The following RASEF variants were observed in gnomAD, a reference collection of about 807,000 sequenced individuals.
The protein encoded by RASEF is ras and EF-hand domain-containing protein.
A neutral mutation model predicts 90.1 loss-of-function variants in RASEF; 68 were observed. The ratio of observed to expected loss-of-function variants is 0.75; its 90% CI spans 0.62 to 0.92. The LOEUF (loss-of-function observed/expected upper bound fraction) is 0.92. Ranked by LOEUF, RASEF falls within the 40% of genes least tolerant of loss-of-function variation. The probability of loss-of-function intolerance (pLI) is 0.00; values close to 1 mark genes in which losing one functional copy is unlikely to be tolerated. For synonymous variants in RASEF, 331 were observed against 345.2 expected (o/e 0.96, Z 0.46); for missense variants, 949 against 937.2 (o/e 1.01, Z -0.16).
chr9:83,072,921 A>G, the RASEF span, among the ~76,000 whole-genome samples: 1 of 151,966 alleles, frequency 6.6e-6, no homozygotes, highest in Admixed American at 6.6e-5. Flanking sequence ...TATGTTATTT[A>G]CTCTTTTAAG....
chr9:83,133,032 A>C, the RASEF span, among the ~76,000 whole-genome samples: 1 of 152,204 alleles, frequency 6.6e-6, no homozygotes, highest in Non-Finnish European at 1.5e-5. Context: ...CTGTTCTTCC[A>C]ATGGGCTTAA....
At chr9:83,218,816 A>T in the RASEF span, among the ~76,000 whole-genome samples, 1 of 152,172 alleles carries the variant, frequency 6.6e-6, no homozygotes, top group Admixed American at 6.5e-5. Context: ...TGGACAGTCA[A>T]GAAAGGGACA....
chr9:83,018,493 ATTCT>A (rs944112578), intron 3 of RASEF, among the ~76,000 whole-genome samples: 6 of 145,526 alleles, frequency 4.1e-5, no homozygotes, highest in African/African-American at 1.4e-4. Flanking sequence ...ACTGTTGTCA[ATTCT>A]CTCCAAATTG....
the RASEF span, among the ~76,000 whole-genome samples, chr9:83,078,732 C>T: frequency 1.3e-5 from 2 of 151,716 alleles, no homozygotes; most frequent in Admixed American, 6.6e-5. Context: ...TGCCAATTAA[C>T]TTATAGCTAT....
At chr9:83,133,857 T>G in the RASEF span, among the ~76,000 whole-genome samples, 2 of 152,116 alleles carry the variant, frequency 1.3e-5, no homozygotes, top group African/African-American at 2.4e-5. Context: ...GCTCTAAAAC[T>G]CACACAAATT....
the RASEF span, among the ~76,000 whole-genome samples, chr9:83,106,741 AC>A: frequency 6.7e-6 from 1 of 149,894 alleles, no homozygotes; most frequent in Non-Finnish European, 1.5e-5. Flanking sequence ...CTACTTATAA[AC>A]CATTTTATTA....
chr9:83,149,458 G>A, the RASEF span, among the ~76,000 whole-genome samples: 1 of 152,196 alleles, frequency 6.6e-6, no homozygotes, highest in Non-Finnish European at 1.5e-5. Context: ...GGATAAAGGG[G>A]AGCATGGCAC....
At position 83,001,054 on chromosome 9, in the gene RASEF, C is replaced by T. The variant is rs1564072772; in HGVS notation, c.1279G>A (p.Glu427Lys). The T allele has an allele frequency of 1.2e-6, 2 of 1,614,148 alleles. No individual in the cohort carries two copies. The highest frequency in any genetic ancestry group is 1.7e-6 in the Non-Finnish European group (2 of 1,180,024). ...LCDPLQRTNC[E>K]VDSLPESCFD... ...CAGCTTTCAGGCAGGCTGTCAACTT[C>T]ACAATTTGTCCTCTGCAGAGGATCA... The change falls in exon 10 of 17, where the codon GAA becomes AAA. Residue 427 changes from glutamate (E) to lysine (K), a missense_variant. Glu to Lys is a moderately conservative substitution (Grantham distance 56). This residue lies in a region of RASEF where 656 missense variants were observed against 592.2 expected (regional missense o/e 1.11). Coordinates refer to ENST00000376447, the MANE Select transcript of RASEF (RefSeq NM_152573.4).
the RASEF span, among the ~76,000 whole-genome samples, chr9:83,122,398 C>T: frequency 6.6e-6 from 1 of 152,186 alleles, no homozygotes; most frequent in Non-Finnish European, 1.5e-5. Flanking sequence ...AGAGAAATCA[C>T]CATAGAAGCC....
At chr9:83,109,488 G>T in the RASEF span, among the ~76,000 whole-genome samples, 2 of 152,116 alleles carry the variant, frequency 1.3e-5, no homozygotes, top group South Asian at 4.1e-4. Context: ...GAAAGCACTC[G>T]CAGACGTCAT....
the RASEF span, among the ~76,000 whole-genome samples, chr9:83,158,968 C>G: frequency 0.12 from 17,826 of 151,510 alleles, 1,185 homozygotes; most frequent in East Asian, 0.29. Flanking sequence ...GGGTAGATCA[C>G]AAGGTCAGGA....
rs758255559 is a variant in RASEF, at chr9:83,062,617, C to A, written c.251G>T (p.Gly84Val). 1.3e-6 allele frequency: 2 copies of A among 1,558,170 alleles called. No homozygotes were observed. The highest frequency in any genetic ancestry group is 2.4e-5 in the East Asian group (1 of 41,912). The change falls in exon 1 of 17, where the codon GGT (glycine) becomes GTT (valine). Residue 84 changes from glycine (G) to valine (V), a missense_variant. Physicochemically the swap from Gly to Val is moderately radical, Grantham distance 109. This residue lies in a region of RASEF where 656 missense variants were observed against 592.2 expected (regional missense o/e 1.11). Coordinates refer to ENST00000376447, the MANE Select transcript of RASEF (RefSeq NM_152573.4). ...SLRGGRRRDW[G>V]PLDPAPAVSE... ...CACGGCGGGCGCGGGATCCAGAGGA[C>A]CCCAGTCCCGGCGCCGCCCCCCGCG...
At chr9:83,067,277 C>G (rs1028727144), upstream of RASEF, among the ~76,000 whole-genome samples, 3 of 152,112 alleles carry the variant, frequency 2.0e-5, no homozygotes, top group African/African-American at 4.8e-5. Flanking sequence ...AACATACATA[C>G]CCCTGTAAGA....
chr9:82,984,899 C>T (rs1828683988), intron 16 of RASEF, among the ~76,000 whole-genome samples: 1 of 152,162 alleles, frequency 6.6e-6, no homozygotes, highest in Non-Finnish European at 1.5e-5. Flanking sequence ...CCTGAGACAG[C>T]AGCTACCACA....
At chr9:83,160,448 C>T in the RASEF span, among the ~76,000 whole-genome samples, 3 of 152,116 alleles carry the variant, frequency 2.0e-5, no homozygotes, top group African/African-American at 7.2e-5. Context: ...GAACTTTGAA[C>T]TTGAGAGAGA....
the RASEF span, among the ~76,000 whole-genome samples, chr9:83,095,361 C>G: frequency 6.6e-6 from 1 of 151,444 alleles, no homozygotes; most frequent in Non-Finnish European, 1.5e-5. Flanking sequence ...TTTTTACCGT[C>G]ACCCCTATGG....
At chr9:83,096,355 C>T in the RASEF span, among the ~76,000 whole-genome samples, 495 of 152,116 alleles carry the variant, frequency 3.3e-3, 3 homozygotes, top group Middle Eastern at 6.8e-3. Context: ...CAAGAATGAT[C>T]TAAAAAAAGA....
At chr9:83,144,391 G>GACAGGAAAGAAAGAAAGAAAGAAAGAAA in the RASEF span, among the ~76,000 whole-genome samples, 1 of 33,220 alleles carries the variant, frequency 3.0e-5, no homozygotes, top group Non-Finnish European at 6.1e-5. Flanking sequence ...AAGAAAGAAA[G>GACAGGAAAGAAAGAAAGAAAGAAAGAAA]GAAAGAAAGA....
the RASEF span, among the ~76,000 whole-genome samples, chr9:83,097,281 C>G: frequency 3.9e-5 from 6 of 152,334 alleles, no homozygotes; most frequent in South Asian, 1.2e-3. Flanking sequence ...TCTCCACATC[C>G]TCTCCAGCAC....
Sources: allele counts gnomAD v4.1 joint callset (sites outside exome capture counted in the v4.1 genomes callset), GRCh38; gene constraint gnomAD v4.1.1; regional missense constraint gnomAD v4.1.1; transcripts MANE v1.5; gene names NCBI Gene and HGNC (gene_info 2026-07-23, HGNC 2026-07-21).